Variants in INPP5B observed in about 807,000 individuals in gnomAD.
INPP5B encodes inositol polyphosphate-5-phosphatase B, also known as type II inositol 1,4,5-trisphosphate 5-phosphatase.
A neutral mutation model predicts 118.5 loss-of-function variants in INPP5B; 90 were observed. That is an observed-to-expected ratio of 0.76 (90% CI 0.64 to 0.90). The LOEUF (loss-of-function observed/expected upper bound fraction) is 0.90, where lower values mean the gene tolerates loss of function less well. Ranked by LOEUF, INPP5B falls within the 40% of genes least tolerant of loss-of-function variation. The pLI is 0.00. For missense variants in INPP5B, 984 were observed against 1,125.6 expected (o/e 0.87, Z 1.80); for synonymous variants, 385 against 418.9 (o/e 0.92, Z 0.99).
chr1:37,930,345 G>A (rs1320549024), intron 7 of INPP5B: 1 of 152,206 alleles, frequency 6.6e-6, no homozygotes, highest in East Asian at 1.9e-4. Context: ...TTTCTCAGTC[G>A]GGGCAGCTAA....
chr1:37,936,868 G>A lies in INPP5B; in HGVS notation c.391+3820C>T, dbSNP rs190589395. ...AGGCATGAGCCACCGTGCCTGGCCTGGAGTAGAACTATATAATCCTGCCTA... is the reference window on the plus strand; with the variant it reads ...AGGCATGAGCCACCGTGCCTGGCCTAGAGTAGAACTATATAATCCTGCCTA... On this transcript the variant is annotated intron_variant, in intron 6 of 23. Transcript: ENST00000373024. Among the ~76,000 whole-genome samples, 190 of 151,800 alleles carry A rather than the reference G, an allele frequency of 1.3e-3. 3 individuals are homozygous for A. Among genetic ancestry groups the A allele is most frequent in the African/African-American group, 3.7e-3 (152 of 41,440 alleles).
At chr1:37,892,648 T>C (rs892831411) in intron 7 of INPP5B, among the ~76,000 whole-genome samples, 5 of 152,106 alleles carry the variant, frequency 3.3e-5, no homozygotes, top group African/African-American at 1.2e-4. Flanking sequence ...AAAAAAACTT[T>C]TGAAAAAAGA....
intron 7 of INPP5B, among the ~76,000 whole-genome samples, chr1:37,912,964 A>T (rs75063811): frequency 7.8e-6 from 1 of 128,064 alleles, no homozygotes; most frequent in Non-Finnish European, 1.7e-5. Context: ...AAAAAAAAAA[A>T]GGGGGACTCT....
At chr1:37,915,689 G>C (rs536726636) in intron 7 of INPP5B, among the ~76,000 whole-genome samples, 1 of 152,290 alleles carries the variant, frequency 6.6e-6, no homozygotes, top group Admixed American at 6.5e-5. Context: ...AGTCTGGAAG[G>C]GTGCACAGCA....
chr1:37,861,878 T>G lies in INPP5B; in HGVS notation c.*437A>C, dbSNP rs1430352627. 1 of 155,270 alleles carries G rather than the reference T, an allele frequency of 6.4e-6. No homozygotes were observed. The highest frequency in any genetic ancestry group is 1.4e-5 in the Non-Finnish European group (1 of 71,300). The allele number at this position is 155,270 out of a possible 1,614,324, so 9.6% of individuals were successfully genotyped here. ...CGGTGAAACCCCGTCTCTACTAAAATGCAAAAAATTAGCTGGGCGTGGCAG... is the reference window on the plus strand; with the variant it reads ...CGGTGAAACCCCGTCTCTACTAAAAGGCAAAAAATTAGCTGGGCGTGGCAG... On this transcript the variant is annotated 3_prime_UTR_variant, in exon 24 of 24. Coordinates refer to ENST00000373024, the MANE Select transcript of INPP5B (RefSeq NM_005540.3).
chr1:37,911,073 G>A (rs9727223), intron 7 of INPP5B, among the ~76,000 whole-genome samples: 58,142 of 151,880 alleles, frequency 0.38, 12,145 homozygotes, highest in African/African-American at 0.56. Flanking sequence ...AGCCGGGACC[G>A]CGCCCTGGAG....
At chr1:37,931,667 C>T in intron 7 of INPP5B, 2 of 1,522,800 alleles carry the variant, frequency 1.3e-6, no homozygotes, top group Non-Finnish European at 8.8e-7. Flanking sequence ...CCGCCGCCCG[C>T]CGAACCTGCA....
At chr1:37,937,788 T>TAAAATA (rs1022249198) in intron 6 of INPP5B, among the ~76,000 whole-genome samples, 12 of 150,094 alleles carry the variant, frequency 8.0e-5, no homozygotes, top group African/African-American at 1.7e-4. Context: ...TAAAATAAAA[T>TAAAATA]AAAATAAAAA....
In INPP5B at chr1:37,861,220, G is replaced by A. The variant is rs1199463084; in HGVS notation, c.*1095C>T. 6.6e-6 allele frequency: 1 copy of A among 152,220 alleles called. No individual in the cohort carries two copies. Among genetic ancestry groups the A allele is most frequent in the Admixed American group, 6.5e-5 (1 of 15,278 alleles). The allele number at this position is 152,220 out of a possible 1,614,324, so 9.4% of individuals were successfully genotyped here. A position where few individuals can be genotyped will look rare whatever the true frequency, so the allele number is the denominator to read the frequency against. On this transcript the variant is annotated 3_prime_UTR_variant, in exon 24 of 24. Coordinates refer to ENST00000373024, the MANE Select transcript of INPP5B (RefSeq NM_005540.3). ...CATTATCTGGGCAGGAACGGGGGTC[G>A]AGTTTGCATATGCATATACACATCC... is the stretch of plus-strand genomic sequence containing the variant.
intron 7 of INPP5B, among the ~76,000 whole-genome samples, chr1:37,923,292 G>A (rs574343431): frequency 2.0e-5 from 3 of 152,304 alleles, no homozygotes; most frequent in South Asian, 4.1e-4. Context: ...AGGTGAAAAA[G>A]TACAGGGCTT....
chr1:37,880,423 T>TTTTTTTTA (rs373379144), intron 14 of INPP5B, among the ~76,000 whole-genome samples: 5 of 149,730 alleles, frequency 3.3e-5, no homozygotes, highest in African/African-American at 4.9e-5. Context: ...GTTTTTAATG[T>TTTTTTTTA]TTTATTTATT....
chr1:37,893,089 T>C (rs1252809598), intron 7 of INPP5B, among the ~76,000 whole-genome samples: 3 of 75,968 alleles, frequency 3.9e-5, no homozygotes, highest in Non-Finnish European at 6.9e-5. Flanking sequence ...CTTTTTCTTT[T>C]TTTTTTTTTT....
At chr1:37,900,868 A>G (rs1488168659) in intron 7 of INPP5B, among the ~76,000 whole-genome samples, 1 of 151,446 alleles carries the variant, frequency 6.6e-6, no homozygotes, top group East Asian at 1.9e-4. Flanking sequence ...ATGAAGTACA[A>G]TGGCACGATC....
intron 7 of INPP5B, among the ~76,000 whole-genome samples, chr1:37,913,813 AATC>A (rs1410836127): frequency 6.6e-6 from 1 of 152,188 alleles, no homozygotes; most frequent in Non-Finnish European, 1.5e-5. Flanking sequence ...GCCCAAGCTA[AATC>A]ATCATATCCT....
chr1:37,878,224 A>C lies in INPP5B; in HGVS notation c.1641T>G (p.Ser547Arg), dbSNP rs965733629. ...ACACTGAGCTGACAGGCTTGTGGTC[A>C]CTGGTCTTCAGGGCCATGTGGCTCT... is the stretch of plus-strand genomic sequence containing the variant. ...SYQSHMALKTSDHKPVSSVFD... is the reference protein window; with the variant it reads ...SYQSHMALKTRDHKPVSSVFD... The change falls in exon 16 of 24, where the codon AGT (serine) becomes AGG (arginine). Residue 547 changes from serine (S) to arginine (R), a missense_variant. This residue lies in a region of INPP5B where 634 missense variants were observed against 791.0 expected (regional missense o/e 0.80). Coordinates refer to ENST00000373024, the MANE Select transcript of INPP5B (RefSeq NM_005540.3). 6.2e-7 allele frequency: 1 copy of C among 1,614,166 alleles called. No individual in the cohort carries two copies. Among genetic ancestry groups the C allele is most frequent in the Non-Finnish European group, 8.5e-7 (1 of 1,180,016 alleles).
chr1:37,889,781 T>C (rs2148517768), intron 8 of INPP5B, 57 bp from the exon 9 acceptor site: 2 of 1,374,224 alleles, frequency 1.5e-6, no homozygotes, highest in Admixed American at 3.9e-5. Context: ...GCAAAATGAA[T>C]GAATACAAAG....
chr1:37,891,227 C>CA lies in INPP5B; in HGVS notation c.629+130dup, dbSNP rs71656437. On this transcript the variant is annotated intron_variant, in intron 8 of 23. Transcript: ENST00000373024. The stretch of plus-strand genomic sequence containing the variant: ...GGGCAGTAAGAGCGAAACTCTGTCT[C>CA]AAAAAAAAAAAAAAAGGACACTTCC... The CA allele has an allele frequency of 0.49, 211,895 of 429,280 alleles. 32,277 individuals are homozygous for CA. Among genetic ancestry groups the CA allele is most frequent in the Admixed American group, 0.53 (13,207 of 24,772 alleles). 26.6% of individuals were successfully genotyped at this position (429,280 alleles called of 1,614,324 possible).
chr1:37,917,327 TA>T (rs1644907958), intron 7 of INPP5B, among the ~76,000 whole-genome samples: 1 of 130,474 alleles, frequency 7.7e-6, no homozygotes, highest in Non-Finnish European at 1.6e-5. Flanking sequence ...TATATATATA[TA>T]TATATATATA....
intron 13 of INPP5B, chr1:37,885,116 A>T (rs1399556959): frequency 6.6e-6 from 1 of 152,174 alleles, no homozygotes; most frequent in Non-Finnish European, 1.5e-5. Context: ...ATAAAAATTT[A>T]AAAATAAAAT....
Sources: allele counts gnomAD v4.1 joint callset (sites outside exome capture counted in the v4.1 genomes callset), GRCh38; gene constraint gnomAD v4.1.1; regional missense constraint gnomAD v4.1.1; transcripts MANE v1.5; gene names NCBI Gene and HGNC (gene_info 2026-07-23, HGNC 2026-07-21).